Variants in RAB11FIP3 observed in about 807,000 individuals in gnomAD.
RAB11FIP3 encodes the protein RAB11 family interacting protein 3.
Under a neutral mutation model 77.8 loss-of-function variants are expected in RAB11FIP3, and 17 were observed. That is an observed-to-expected ratio of 0.22 (90% CI 0.15 to 0.33). RAB11FIP3 has a LOEUF of 0.33. RAB11FIP3 is among the 10% of genes least tolerant of loss of function. RAB11FIP3 has a pLI of 1.00. For missense variants in RAB11FIP3, 1,005 were observed against 1,011.2 expected (o/e 0.99, Z 0.08); for synonymous variants, 437 against 448.2 (o/e 0.98, Z 0.31).
chr16:511,164 G>A (rs1032932645), intron 9 of RAB11FIP3, among the ~76,000 whole-genome samples: 1 of 89,524 alleles, frequency 1.1e-5, no homozygotes, highest in African/African-American at 5.0e-5. Flanking sequence ...CCGACGGCCC[G>A]CCAACCCCAG....
chr16:449,704 C>G (rs2055376150), intron 1 of RAB11FIP3, among the ~76,000 whole-genome samples: 1 of 151,138 alleles, frequency 6.6e-6, no homozygotes, highest in Admixed American at 6.6e-5. Flanking sequence ...ATAATCCCAG[C>G]ACTTTGGGAG....
intron 6 of RAB11FIP3, 44 bp downstream of exon 6, chr16:496,903 ATAAT>A: frequency 2.0e-6 from 3 of 1,483,424 alleles, no homozygotes; most frequent in Non-Finnish European, 2.8e-6. Flanking sequence ...TCTGAAGTGG[ATAAT>A]TAATCATAGT....
At chr16:492,460 G>GGGAGTCCCGGGGCCGCCCAGGGCCCTCCC (rs1567392373) in intron 5 of RAB11FIP3, among the ~76,000 whole-genome samples, 1 of 28,306 alleles carries the variant, frequency 3.5e-5, no homozygotes, top group African/African-American at 1.8e-4. Context: ...GGCCCTTCCC[G>GGGAGTCCCGGGGCCGCCCAGGGCCCTCCC]GGGAGACCCG....
Position 510,247 on chromosome 16 carries a change from C to T in RAB11FIP3, c.1500-413C>T, listed in dbSNP as rs947981475. ...GCCCTGGCACCTCCACGCCCCGTCCCGAGGCTCCGTGCCTCTGGGCTCTGA... is the reference window on the plus strand; with the variant it reads ...GCCCTGGCACCTCCACGCCCCGTCCTGAGGCTCCGTGCCTCTGGGCTCTGA... On this transcript the variant is annotated intron_variant, in intron 8 of 13. Transcript: ENST00000262305. Among the ~76,000 whole-genome samples the T allele has an allele frequency of 1.4e-3, 209 of 151,996 alleles. 2 individuals are homozygous for T. Among genetic ancestry groups the T allele is most frequent in the East Asian group, 2.1e-3 (11 of 5,172 alleles).
Position 520,159 on chromosome 16 carries a change from A to C in RAB11FIP3, c.1898A>C (p.Gln633Pro), listed in dbSNP as rs1320228503. 1 of 1,546,494 alleles carries C rather than the reference A, an allele frequency of 6.5e-7. No homozygotes were observed. Among genetic ancestry groups the C allele is most frequent in the African/African-American group, 1.4e-5 (1 of 73,170 alleles). ...EDLRKQLEHL[Q>P]LLKLEAEQRR... Reference sequence around the variant, plus strand: ...CTCCGAAAGCAGCTGGAGCACCTGCAGCTCCTCAAGCTGGAGGCCGAGCAG... The same window carrying C: ...CTCCGAAAGCAGCTGGAGCACCTGCCGCTCCTCAAGCTGGAGGCCGAGCAG... The change falls in exon 12 of 14, where the codon CAG becomes CCG. Residue 633 changes from glutamine to proline, a missense_variant. By Grantham distance (76) the Gln-to-Pro change is moderately conservative. Transcript: ENST00000262305.
Position 521,935 on chromosome 16 carries a change from G to C in RAB11FIP3, c.*1096G>C, listed in dbSNP as rs937942695. 1.2e-4 allele frequency: 18 copies of C among 152,266 alleles called. No homozygotes were observed. Among genetic ancestry groups the C allele is most frequent in the African/African-American group, 4.1e-4 (17 of 41,528 alleles). The allele number at this position is 152,266 out of a possible 1,614,324, so 9.4% of individuals were successfully genotyped here. A position where few individuals can be genotyped will look rare whatever the true frequency, so the allele number is the denominator to read the frequency against. ...TCGGGGTCTGCACCCCAGGCACAGC[G>C]GTGTCACCCCGCAGGACCGCGGGCC... On this transcript the variant is annotated 3_prime_UTR_variant, in exon 14 of 14. Coordinates refer to ENST00000262305, the MANE Select transcript of RAB11FIP3 (RefSeq NM_014700.4).
chr16:497,939 C>CAAAAAA, intron 6 of RAB11FIP3, among the ~76,000 whole-genome samples: 1 of 46,132 alleles, frequency 2.2e-5, no homozygotes, highest in African/African-American at 6.7e-5. Context: ...CCTGTCTCTA[C>CAAAAAA]AAAAAAAAAA....
rs946272074 is a variant in RAB11FIP3 at position 426,189 on chromosome 16, G to T, written c.183G>T (p.Gly61=). Reference sequence around the variant, plus strand: ...CGGGCCTGGATGAGCCTGCGCCCGGGGCCGCTGCAGATGGCGGGGCGCGTT... The same window carrying T: ...CGGGCCTGGATGAGCCTGCGCCCGGTGCCGCTGCAGATGGCGGGGCGCGTT... ...QSPGLDEPAP[G]AAADGGARWS... The change falls in exon 1 of 14, where the codon GGG becomes GGT. Residue 61 remains glycine (G), a synonymous_variant. Coordinates refer to ENST00000262305, the MANE Select transcript of RAB11FIP3 (RefSeq NM_014700.4). The surrounding 1 kb of genome is among the most constrained non-coding windows in gnomAD (Gnocchi z 5.0). 1 of 1,016,964 alleles carries T rather than the reference G, an allele frequency of 9.8e-7. No individual in the cohort carries two copies. The highest frequency in any genetic ancestry group is 1.2e-6 in the Non-Finnish European group (1 of 852,596). 63.0% of individuals were successfully genotyped at this position (1,016,964 alleles called of 1,614,324 possible). A position where few individuals can be genotyped will look rare whatever the true frequency, so the allele number is the denominator to read the frequency against.
chr16:493,505 C>G (rs1596273842), intron 5 of RAB11FIP3, among the ~76,000 whole-genome samples: 1 of 152,226 alleles, frequency 6.6e-6, no homozygotes, highest in South Asian at 2.1e-4. Flanking sequence ...CCAGTCGCCT[C>G]AGAACAGGCC....
intron 1 of RAB11FIP3, among the ~76,000 whole-genome samples, chr16:436,077 G>A (rs532962705): frequency 1.2e-4 from 19 of 152,230 alleles, no homozygotes; most frequent in African/African-American, 4.3e-4. Flanking sequence ...TTGGGAGGCC[G>A]ACGCCGGCGA....
chr16:512,025 G>A (rs1418805097), intron 9 of RAB11FIP3, among the ~76,000 whole-genome samples: 3 of 147,972 alleles, frequency 2.0e-5, no homozygotes, highest in Non-Finnish European at 4.5e-5. Flanking sequence ...GAGAGGTTCC[G>A]ACAGCCCGCC....
chr16:437,078 C>T (rs748429164), intron 1 of RAB11FIP3, among the ~76,000 whole-genome samples: 1 of 151,830 alleles, frequency 6.6e-6, no homozygotes, highest in Non-Finnish European at 1.5e-5. Context: ...GAGTTGGAGA[C>T]CAGCCTGGAC....
intron 13 of RAB11FIP3, 57 bp downstream of exon 13, chr16:520,656 T>C: frequency 6.2e-7 from 1 of 1,610,792 alleles, no homozygotes; most frequent in Non-Finnish European, 8.5e-7. Context: ...GCACTGTCTG[T>C]GCGCTGTGGT....
At chr16:515,668 T>C (rs930889314) in intron 9 of RAB11FIP3, among the ~76,000 whole-genome samples, 24 of 149,744 alleles carry the variant, frequency 1.6e-4, no homozygotes, top group African/African-American at 5.5e-4. Context: ...GGTGTTTGCA[T>C]CTCGGAGCAG....
At position 473,640 on chromosome 16, in the gene RAB11FIP3, G is replaced by A. The variant is rs114003233; in HGVS notation, c.903+2251G>A. Among the ~76,000 whole-genome samples, 884 of 151,964 alleles carry A rather than the reference G, an allele frequency of 5.8e-3. 9 individuals are homozygous for A. The highest frequency in any genetic ancestry group is 0.02 in the African/African-American group (837 of 41,438). Reference sequence around the variant, plus strand: ...TTTTTTGTAGAGATGGGGTTTCACCGTGTTGCCTAGGCTGCTCTCAAACTC... The same window carrying A: ...TTTTTTGTAGAGATGGGGTTTCACCATGTTGCCTAGGCTGCTCTCAAACTC... On this transcript the variant is annotated intron_variant, in intron 3 of 13. Coordinates refer to ENST00000262305, the MANE Select transcript of RAB11FIP3 (RefSeq NM_014700.4).
chr16:501,112 A>G (rs2031486487), intron 6 of RAB11FIP3, among the ~76,000 whole-genome samples: 1 of 152,236 alleles, frequency 6.6e-6, no homozygotes, highest in South Asian at 2.1e-4. Context: ...TTATGGGGAA[A>G]AAGATGGAAA....
intron 4 of RAB11FIP3, among the ~76,000 whole-genome samples, chr16:483,788 T>G (rs1472546065): frequency 1.3e-5 from 2 of 152,016 alleles, no homozygotes; most frequent in African/African-American, 4.8e-5. Context: ...GCCCCTTATC[T>G]TAAGCCGAGG....
At chr16:479,651 A>C (rs1476361832) in intron 3 of RAB11FIP3, among the ~76,000 whole-genome samples, 1 of 152,202 alleles carries the variant, frequency 6.6e-6, no homozygotes, top group Non-Finnish European at 1.5e-5. Flanking sequence ...TGCCAGGCTC[A>C]GTAGCTCACA....
chr16:487,181 A>T (rs1304956378), intron 4 of RAB11FIP3, among the ~76,000 whole-genome samples: 9 of 143,334 alleles, frequency 6.3e-5, no homozygotes, highest in Non-Finnish European at 1.1e-4. Context: ...CCCAGGCTGG[A>T]GTGCAGTGGC....
Sources: gnomAD v4.1 joint callset for allele counts (sites outside exome capture counted in the v4.1 genomes callset) on GRCh38, gnomAD v4.1.1 for gene constraint, Gnocchi (gnomAD v3.1) non-coding constraint, MANE v1.5 for transcripts, NCBI Gene and HGNC (gene_info 2026-07-23, HGNC 2026-07-21) for gene names.